Variants in XYLT1 observed in about 807,000 individuals in gnomAD.
The protein encoded by XYLT1 is beta-D-xylosyltransferase 1.
XYLT1 carries 36 observed loss-of-function variants against 91.3 expected under a neutral mutation model. That is an observed-to-expected ratio of 0.39 (90% CI 0.30 to 0.52). XYLT1 has a LOEUF of 0.52. Ranked by LOEUF, XYLT1 falls within the 20% of genes least tolerant of loss-of-function variation. The pLI is 0.68. For missense variants in XYLT1, 1,242 were observed against 1,284.5 expected (o/e 0.97, Z 0.51); for synonymous variants, 588 against 532.0 (o/e 1.11, Z -1.45).
intron 1 of XYLT1, among the ~76,000 whole-genome samples, chr16:17,445,501 C>T (rs1038382478): frequency 6.6e-6 from 1 of 152,204 alleles, no homozygotes; most frequent in Non-Finnish European, 1.5e-5. Flanking sequence ...GGAGCCCTTC[C>T]TGGCAGCTGC....
intron 1 of XYLT1, among the ~76,000 whole-genome samples, chr16:17,406,401 C>T (rs569293143): frequency 2.9e-4 from 44 of 152,350 alleles, no homozygotes; most frequent in Admixed American, 6.5e-4. Context: ...CACTGCTTCC[C>T]CTCTCTGTGC....
At chr16:17,117,419 A>G (rs1436675051) in intron 11 of XYLT1, among the ~76,000 whole-genome samples, 2 of 152,140 alleles carry the variant, frequency 1.3e-5, no homozygotes, top group Non-Finnish European at 2.9e-5. Context: ...GGAGCGTCTA[A>G]CAAATAGCTA....
At chr16:17,159,854 C>A (rs2031504910) in intron 5 of XYLT1, among the ~76,000 whole-genome samples, 1 of 152,242 alleles carries the variant, frequency 6.6e-6, no homozygotes, top group Admixed American at 6.5e-5. Context: ...GGGTCTCCAT[C>A]TGCCAGAAAC....
chr16:17,155,293 C>T (rs2031378152), intron 6 of XYLT1, among the ~76,000 whole-genome samples: 1 of 152,136 alleles, frequency 6.6e-6, no homozygotes, highest in South Asian at 2.1e-4. Context: ...TGCCAATAAT[C>T]CCCACCCAGT....
At chr16:17,457,433 G>T (rs906728142) in intron 1 of XYLT1, among the ~76,000 whole-genome samples, 1 of 152,138 alleles carries the variant, frequency 6.6e-6, no homozygotes, top group East Asian at 1.9e-4. Context: ...CTAAAAGAAA[G>T]CCAAACAGCA....
intron 1 of XYLT1, among the ~76,000 whole-genome samples, chr16:17,407,979 T>A (rs2036055451): frequency 6.6e-6 from 1 of 152,222 alleles, no homozygotes. Flanking sequence ...ACCTGTAATA[T>A]CTGCACATGC....
intron 10 of XYLT1, among the ~76,000 whole-genome samples, chr16:17,127,449 C>A (rs940697346): frequency 6.6e-6 from 1 of 152,174 alleles, no homozygotes; most frequent in African/African-American, 2.4e-5. Flanking sequence ...CTAAAAAATA[C>A]AACTGTGTTC....
rs143487187 is a variant in XYLT1 at position 17,363,626 on chromosome 16, G to A, written c.364-5576C>T. ...ACAATCCAAGCTCACTGCAACCTCCGCCTCCTGGGTTCAAGCGATTCCCCT... is the reference window on the plus strand; with the variant it reads ...ACAATCCAAGCTCACTGCAACCTCCACCTCCTGGGTTCAAGCGATTCCCCT... On this transcript the variant is annotated intron_variant, in intron 1 of 11. Transcript: ENST00000261381. 6.2e-3 allele frequency among the ~76,000 whole-genome samples: 949 copies of A among 152,276 alleles called. 11 individuals carry two copies. Among genetic ancestry groups the A allele is most frequent in the African/African-American group, 0.022 (894 of 41,566 alleles).
At chr16:17,397,459 C>T (rs908980378) in intron 1 of XYLT1, among the ~76,000 whole-genome samples, 16 of 152,142 alleles carry the variant, frequency 1.1e-4, no homozygotes, top group African/African-American at 3.4e-4. Flanking sequence ...AAAACTCTGA[C>T]GATCTGGCAA....
chr16:17,161,511 C>G (rs773246073), intron 5 of XYLT1, among the ~76,000 whole-genome samples: 5 of 152,158 alleles, frequency 3.3e-5, no homozygotes, highest in Admixed American at 6.5e-5. Context: ...TAAAGCCCAT[C>G]CCCCCAGTCC....
In XYLT1 at chr16:17,357,872, C is replaced by T. The variant is rs1257951740; in HGVS notation, c.402+140G>A. The T allele has an allele frequency of 1.8e-5, 15 of 838,448 alleles. No individual in the cohort carries two copies. The East Asian group carries it at 3.4e-4, about 19-fold the overall frequency. The allele number at this position is 838,448 out of a possible 1,614,324, so 51.9% of individuals were successfully genotyped here. A position where few individuals can be genotyped will look rare whatever the true frequency, so the allele number is the denominator to read the frequency against. On this transcript the variant is annotated intron_variant, in intron 2 of 11. Transcript: ENST00000261381. ...CACTATATGCCAGTGTGTATACATA[C>T]ATGTGCAGGCACACACACATCCAAA...
At chr16:17,299,616 G>C (rs2034364362) in intron 2 of XYLT1, among the ~76,000 whole-genome samples, 1 of 152,150 alleles carries the variant, frequency 6.6e-6, no homozygotes. Flanking sequence ...TGTGGGAGTT[G>C]ATTTAGCCTT....
intron 5 of XYLT1, among the ~76,000 whole-genome samples, chr16:17,166,155 A>T (rs1481603091): frequency 2.0e-5 from 3 of 152,216 alleles, no homozygotes; most frequent in African/African-American, 2.4e-5. Flanking sequence ...GGAGGCTCAC[A>T]TGGAGATGGA....
chr16:17,150,125 G>A (rs2031247021), intron 6 of XYLT1, among the ~76,000 whole-genome samples: 1 of 152,192 alleles, frequency 6.6e-6, no homozygotes, highest in South Asian at 2.1e-4. Context: ...GTGGCATGAA[G>A]GTGACAAGTG....
intron 2 of XYLT1, among the ~76,000 whole-genome samples, chr16:17,298,461 C>T (rs2034347797): frequency 6.6e-6 from 1 of 152,142 alleles, no homozygotes; most frequent in African/African-American, 2.4e-5. Context: ...TCATTTATAC[C>T]ACACTGCTAT....
In XYLT1 at chr16:17,177,580, T is replaced by C. The variant is rs542059533; in HGVS notation, c.1290-18671A>G. Among the ~76,000 whole-genome samples the C allele has an allele frequency of 3.4e-4, 52 of 152,296 alleles. No homozygotes were observed. The South Asian group carries it at 3.9e-3, about 12-fold the overall frequency. Reference sequence around the variant, plus strand: ...ACAAGCATCTGTTGACTGACTAGAATGTATGAATGAATGAACAAATTCACA... The same window carrying C: ...ACAAGCATCTGTTGACTGACTAGAACGTATGAATGAATGAACAAATTCACA... On this transcript the variant is annotated intron_variant, in intron 5 of 11. Transcript: ENST00000261381.
intron 1 of XYLT1, among the ~76,000 whole-genome samples, chr16:17,431,203 T>C (rs963763074): frequency 6.6e-6 from 1 of 152,164 alleles, no homozygotes; most frequent in Admixed American, 6.5e-5. Flanking sequence ...GCTTTATTTA[T>C]ATAAACACTG....
At chr16:17,272,155 T>TA (rs2141773612) in intron 2 of XYLT1, among the ~76,000 whole-genome samples, 2 of 44,074 alleles carry the variant, frequency 4.5e-5, no homozygotes, top group East Asian at 6.5e-4. Context: ...TGTTGTTGGT[T>TA]TTTTTTTTTT....
chr16:17,135,241 G>A (rs9936141), intron 8 of XYLT1, among the ~76,000 whole-genome samples: 93,112 of 152,054 alleles, frequency 0.61, 29,556 homozygotes, highest in Non-Finnish European at 0.68. Context: ...GCTGAAGGGT[G>A]GTGGCTGTTC....
Sources: gnomAD v4.1 joint callset for allele counts (sites outside exome capture counted in the v4.1 genomes callset) on GRCh38, gnomAD v4.1.1 for gene constraint, MANE v1.5 for transcripts, NCBI Gene and HGNC (gene_info 2026-07-23, HGNC 2026-07-21) for gene names.